Variants in PKHD1 observed in about 807,000 individuals in gnomAD.
PKHD1 encodes fibrocystin.
Under a neutral mutation model 412.0 loss-of-function variants are expected in PKHD1, and 291 were observed. The observed-to-expected ratio is 0.71, with a 90% CI of 0.64 to 0.78. The LOEUF (loss-of-function observed/expected upper bound fraction) is 0.78, where lower values mean the gene tolerates loss of function less well. Ranked by LOEUF, PKHD1 falls within the 30% of genes least tolerant of loss-of-function variation. The pLI, the probability that PKHD1 is intolerant of heterozygous loss-of-function variation, is 0.00. For missense variants in PKHD1, 4,825 were observed against 4,950.7 expected (o/e 0.97, Z 0.76); for synonymous variants, 1,777 against 1,821.5 (o/e 0.98, Z 0.62).
At chr6:51,923,429 G>C (rs533802202) in intron 37 of PKHD1, among the ~76,000 whole-genome samples, 1 of 151,430 alleles carries the variant, frequency 6.6e-6, no homozygotes, top group African/African-American at 2.4e-5. Flanking sequence ...ATAAAATTTT[G>C]TGTATAAAAG....
chr6:51,680,525 T>C (rs1339429039), intron 60 of PKHD1, among the ~76,000 whole-genome samples: 1 of 152,068 alleles, frequency 6.6e-6, no homozygotes, highest in Non-Finnish European at 1.5e-5. Context: ...AGTCCAGGTA[T>C]ATGTTCTATT....
At chr6:51,740,001 A>G (rs371444083) in intron 60 of PKHD1, 2 of 518,874 alleles carry the variant, frequency 3.9e-6, no homozygotes, top group African/African-American at 3.8e-5. Context: ...TGGGACATTA[A>G]TTTCAATGCT....
In PKHD1 at chr6:51,941,914, A is replaced by G. The variant is rs541048127; in HGVS notation, c.5909-7592T>C. ...GCCCCCATTACTTCAGTCAAGCCCA[A>G]ATTTCTTCCTCATCTGTTACCTATC... On this transcript the variant is annotated intron_variant, in intron 36 of 66. Transcript: ENST00000371117. Among the ~76,000 whole-genome samples the G allele has an allele frequency of 5.3e-5, 8 of 151,470 alleles. No homozygotes were observed. The East Asian group carries it at 1.4e-3, about 26-fold the overall frequency.
intron 35 of PKHD1, among the ~76,000 whole-genome samples, chr6:51,990,353 G>A (rs905159771): frequency 4.6e-5 from 7 of 152,174 alleles, no homozygotes; most frequent in African/African-American, 1.4e-4. Context: ...TTGTGCAGAT[G>A]TTGCCTCTCC....
intron 48 of PKHD1, among the ~76,000 whole-genome samples, chr6:51,856,328 TTTTG>T (rs1249757464): frequency 1.3e-5 from 2 of 152,188 alleles, no homozygotes; most frequent in African/African-American, 4.8e-5. Flanking sequence ...AGGTTTTTTA[TTTTG>T]TTTGTTTTTT....
Position 51,775,823 on chromosome 6 carries a change from C to G in PKHD1, c.8539G>C (p.Asp2847His), listed in dbSNP as rs1245030321. The G allele has an allele frequency of 2.7e-6, 4 of 1,499,386 alleles. No homozygotes were observed. Among genetic ancestry groups the G allele is most frequent in the Non-Finnish European group, 3.7e-6 (4 of 1,077,010 alleles). The allele number at this position is 1,499,386 out of a possible 1,614,324, so 92.9% of individuals were successfully genotyped here. The change falls in exon 54 of 67, where the codon GAC becomes CAC. Residue 2847 changes from aspartate to histidine, a missense_variant. Asp to His is a moderately conservative substitution (Grantham distance 81). Coordinates refer to ENST00000371117, the MANE Select transcript of PKHD1 (RefSeq NM_138694.4). ...ATACTCTTACCAATTGTTCCTGGGT[C>G]AATATGAATTCCATTCATACGGTCA... ...FCDRMNGIHI[D>H]PGTIGVYGKV...
rs945658199 is a variant in PKHD1, at chr6:51,618,342, T to G, written c.*739A>C. 6.6e-6 allele frequency: 1 copy of G among 152,122 alleles called. No homozygotes were observed. Among genetic ancestry groups the G allele is most frequent in the African/African-American group, 2.4e-5 (1 of 41,374 alleles). 9.4% of individuals were successfully genotyped at this position (152,122 alleles called of 1,614,324 possible). Reference sequence around the variant, plus strand: ...ACTAACAGAGAGAATCACTGAAAAATAGAACAGTGGTCATACAAAATTTCC... The same window carrying G: ...ACTAACAGAGAGAATCACTGAAAAAGAGAACAGTGGTCATACAAAATTTCC... On this transcript the variant is annotated 3_prime_UTR_variant, in exon 67 of 67. Coordinates refer to ENST00000371117, the MANE Select transcript of PKHD1 (RefSeq NM_138694.4).
In PKHD1 at chr6:52,024,689, A is replaced by C; in HGVS notation, c.5121T>G (p.Pro1707=). The change falls in exon 32 of 67, where the codon CCT becomes CCG. Residue 1707 remains proline (P), a synonymous_variant. Transcript: ENST00000371117. ...CGTGGTACTCCCCGGCCGGAAGGGA[A>C]GGGACCACGCACTGAAGAACGGTGT... The part of the protein sequence containing the change: ...GNHTVLQCVV[P]SLPAGEYHVR... The C allele has an allele frequency of 6.2e-7, 1 of 1,614,176 alleles. No homozygotes were observed. Among genetic ancestry groups the C allele is most frequent in the Non-Finnish European group, 8.5e-7 (1 of 1,179,990 alleles).
rs537958378 is a variant in PKHD1 at position 52,058,497 on chromosome 6, C to T, written c.1338G>A (p.Leu446=). 25 of 1,614,234 alleles carry T rather than the reference C, an allele frequency of 1.5e-5. No homozygotes were observed. In the African/African-American group the frequency reaches 1.6e-4, roughly 10 times the overall value. The part of the protein sequence containing the change: ...TWQQKTPKLE[L]LGGAMYYLEA... ...CCAGGTAGTACATGGCTCCACCCAA[C>T]AGCTCCAACTTGGGAGTCTTCTGCT... The change falls in exon 16 of 67, where the codon CTG becomes CTA. Residue 446 remains leucine, a synonymous_variant. Coordinates refer to ENST00000371117, the MANE Select transcript of PKHD1 (RefSeq NM_138694.4).
intron 60 of PKHD1, among the ~76,000 whole-genome samples, chr6:51,667,956 G>C (rs887798131): frequency 6.6e-6 from 1 of 152,112 alleles, no homozygotes; most frequent in Non-Finnish European, 1.5e-5. Context: ...TAGCCTTGTA[G>C]TATAGTTTGA....
At chr6:51,958,060 C>T (rs1272722642) in intron 36 of PKHD1, among the ~76,000 whole-genome samples, 4 of 152,102 alleles carry the variant, frequency 2.6e-5, no homozygotes, top group African/African-American at 9.7e-5. Flanking sequence ...GATCTGTGTC[C>T]TTGCCCTGTT....
Position 51,782,943 on chromosome 6 carries a change from T to G in PKHD1, c.8441-7022A>C, listed in dbSNP as rs140380305. Among the ~76,000 whole-genome samples the G allele has an allele frequency of 2.6e-5, 4 of 152,308 alleles. No individual in the cohort carries two copies. In the East Asian group the frequency reaches 7.7e-4, roughly 29 times the overall value. ...AGGCAATAAACTGTGTATGGATTTT[T>G]CTTCTTCTTTAGGATTGAGAAAGTC... On this transcript the variant is annotated intron_variant, in intron 53 of 66. Transcript: ENST00000371117.
intron 55 of PKHD1, among the ~76,000 whole-genome samples, chr6:51,758,898 G>A (rs1283625661): frequency 6.6e-6 from 1 of 152,062 alleles, no homozygotes; most frequent in East Asian, 1.9e-4. Flanking sequence ...AGACATTCAC[G>A]TGTAAACACC....
In PKHD1 at chr6:51,867,757, T is replaced by C. The variant is rs940286739; in HGVS notation, c.7733+106A>G. ...CCCATTTCACTTCTTTAGAGCTAAATACTTCAAATAATCTAGAAAACAATT... is the reference window on the plus strand; with the variant it reads ...CCCATTTCACTTCTTTAGAGCTAAACACTTCAAATAATCTAGAAAACAATT... On this transcript the variant is annotated intron_variant, in intron 48 of 66. Transcript: ENST00000371117. 40 of 1,052,232 alleles carry C rather than the reference T, an allele frequency of 3.8e-5. No individual in the cohort carries two copies. The African/African-American group carries it at 5.8e-4, about 15-fold the overall frequency. 65.2% of individuals were successfully genotyped at this position (1,052,232 alleles called of 1,614,324 possible).
In PKHD1 at chr6:52,061,421, A is replaced by C. The variant is rs78181581; in HGVS notation, c.1118+1098T>G. Among the ~76,000 whole-genome samples, 685 of 152,228 alleles carry C rather than the reference A, an allele frequency of 4.5e-3. 3 individuals are homozygous for C. The highest frequency in any genetic ancestry group is 0.015 in the African/African-American group (637 of 41,556). ...TAGACTCAGGCGATCCTCCTGTCTC[A>C]GCCTCCCAAGTAGATGGGATTACAG... On this transcript the variant is annotated intron_variant, in intron 14 of 66. Transcript: ENST00000371117.
At chr6:51,975,240 A>G (rs1439002831) in intron 35 of PKHD1, among the ~76,000 whole-genome samples, 1 of 152,280 alleles carries the variant, frequency 6.6e-6, no homozygotes, top group Admixed American at 6.5e-5. Flanking sequence ...GTATTTGACA[A>G]TGATTTCTTG....
At chr6:51,845,892 G>A (rs892289315) in intron 50 of PKHD1, among the ~76,000 whole-genome samples, 2 of 152,120 alleles carry the variant, frequency 1.3e-5, no homozygotes, top group Non-Finnish European at 2.9e-5. Flanking sequence ...TGCAGTTCAT[G>A]AACAGAATAT....
intron 40 of PKHD1, among the ~76,000 whole-genome samples, chr6:51,907,174 A>G (rs1168284553): frequency 6.6e-6 from 1 of 152,170 alleles, no homozygotes; most frequent in Non-Finnish European, 1.5e-5. Flanking sequence ...ATTAAACTAT[A>G]AATCCTAAAA....
chr6:51,820,980 A>G (rs1157472362), intron 52 of PKHD1, among the ~76,000 whole-genome samples: 1 of 152,236 alleles, frequency 6.6e-6, no homozygotes, highest in Non-Finnish European at 1.5e-5. Context: ...CAATGAGAAC[A>G]CGTGAAAAAA....
Sources: gnomAD v4.1 joint callset for allele counts (sites outside exome capture counted in the v4.1 genomes callset) on GRCh38, gnomAD v4.1.1 for gene constraint, MANE v1.5 for transcripts, NCBI Gene and HGNC (gene_info 2026-07-23, HGNC 2026-07-21) for gene names.